Variants in POLR1E observed in about 807,000 individuals in gnomAD.
POLR1E encodes the protein RNA polymerase I subunit E.
A neutral mutation model predicts 50.9 loss-of-function variants in POLR1E; 37 were observed. The observed-to-expected ratio is 0.73, with a 90% confidence interval of 0.56 to 0.96. POLR1E has a LOEUF of 0.96. Among genes scored for constraint, POLR1E ranks in the 40% least tolerant of loss-of-function variants. The pLI is 0.00. For missense variants in POLR1E, 426 were observed against 518.1 expected (o/e 0.82, Z 1.73); for synonymous variants, 166 against 191.6 (o/e 0.87, Z 1.10).
chr9:37,493,050 A>G (rs1229748789), intron 5 of POLR1E, among the ~76,000 whole-genome samples: 2 of 152,226 alleles, frequency 1.3e-5, no homozygotes, highest in Non-Finnish European at 2.9e-5. Context: ...CATTCACGTT[A>G]AAACAAAGTA....
At chr9:37,486,949 G>A (rs1820588720) in intron 2 of POLR1E, 143 bp downstream of exon 2, 2 of 967,710 alleles carry the variant, frequency 2.1e-6, no homozygotes, top group Non-Finnish European at 3.0e-6. Context: ...CCAGCAGCCT[G>A]GGATGTGGGG....
At chr9:37,494,780 A>T (rs973722371) in intron 6 of POLR1E, among the ~76,000 whole-genome samples, 2 of 152,164 alleles carry the variant, frequency 1.3e-5, no homozygotes, top group Middle Eastern at 3.2e-3. Flanking sequence ...TTATATTCTG[A>T]AAGTTTTGTT....
At chr9:37,495,378 C>A in intron 7 of POLR1E, 102 bp downstream of exon 7, 1 of 962,380 alleles carries the variant, frequency 1.0e-6, no homozygotes, top group Non-Finnish European at 1.7e-6. Context: ...CTGTGACATT[C>A]ACAAGAGCTC....
chr9:37,487,120 G>A (rs1275351203), intron 2 of POLR1E, among the ~76,000 whole-genome samples: 1 of 152,170 alleles, frequency 6.6e-6, no homozygotes, highest in African/African-American at 2.4e-5. Context: ...CAGGACTATT[G>A]ACTTTTTGGG....
intron 10 of POLR1E, 31 bp downstream of exon 10, chr9:37,500,952 T>G: frequency 6.3e-7 from 1 of 1,575,976 alleles, no homozygotes; most frequent in South Asian, 1.1e-5. Context: ...ATTTTTCTTG[T>G]GCAGGAGAAA....
chr9:37,497,006 C>T (rs1467577610), intron 8 of POLR1E, among the ~76,000 whole-genome samples: 2 of 152,138 alleles, frequency 1.3e-5, no homozygotes, highest in African/African-American at 4.8e-5. Flanking sequence ...GAGGAGAGTA[C>T]CTGTACTATC....
chr9:37,492,801 A>C, intron 5 of POLR1E, 86 bp downstream of exon 5: 1 of 1,197,700 alleles, frequency 8.3e-7, no homozygotes, highest in Non-Finnish European at 1.2e-6. Flanking sequence ...GAGCTTGTTG[A>C]ACTCAAGGGT....
chr9:37,495,015 C>T (rs113728511), intron 6 of POLR1E, among the ~76,000 whole-genome samples, 154 bp from the exon 7 acceptor site: 7 of 152,322 alleles, frequency 4.6e-5, no homozygotes, highest in African/African-American at 1.7e-4. Flanking sequence ...AGTCCTGAAG[C>T]AGTCAGCCTG....
intron 8 of POLR1E, 32 bp from the exon 9 acceptor site, chr9:37,498,059 A>G (rs1306813184): frequency 6.2e-7 from 1 of 1,608,054 alleles, no homozygotes; most frequent in Non-Finnish European, 8.5e-7. Flanking sequence ...TCTTACCCTG[A>G]CACAGGCCTC....
At chr9:37,487,821 C>T (rs1820605763) in intron 2 of POLR1E, 42 bp from the exon 3 acceptor site, 9 of 1,572,058 alleles carry the variant, frequency 5.7e-6, no homozygotes, top group Non-Finnish European at 7.9e-6. Context: ...TAATACCTTT[C>T]AACATTGGTT....
intron 9 of POLR1E, among the ~76,000 whole-genome samples, chr9:37,498,602 T>C (rs141733262): frequency 1.9e-3 from 292 of 152,304 alleles, no homozygotes; most frequent in African/African-American, 6.4e-3. Context: ...TGTGTATATA[T>C]AGAGAGAGCT....
At chr9:37,497,910 G>A (rs1432062780) in intron 8 of POLR1E, among the ~76,000 whole-genome samples, 181 bp from the exon 9 acceptor site, 2 of 152,116 alleles carry the variant, frequency 1.3e-5, no homozygotes, top group Non-Finnish European at 2.9e-5. Context: ...CCACACACAT[G>A]TGCCACCATG....
At chr9:37,489,187 G>A (rs1026251416) in intron 3 of POLR1E, 128 bp from the exon 4 acceptor site, 34 of 602,374 alleles carry the variant, frequency 5.6e-5, no homozygotes, top group African/African-American at 3.0e-4. Flanking sequence ...GCAGTGAGCC[G>A]AGATCATGCC....
intron 4 of POLR1E, among the ~76,000 whole-genome samples, chr9:37,491,676 C>T (rs1247369489): frequency 1.3e-5 from 2 of 152,024 alleles, no homozygotes; most frequent in Non-Finnish European, 2.9e-5. Flanking sequence ...GTTGGCCAGG[C>T]TGGTCTCAAA....
At chr9:37,492,942 T>C (rs1411135401) in intron 5 of POLR1E, among the ~76,000 whole-genome samples, 2 of 152,200 alleles carry the variant, frequency 1.3e-5, no homozygotes, top group Non-Finnish European at 2.9e-5. Flanking sequence ...TCTGTGCCAA[T>C]GTTTGGAGTC....
chr9:37,487,399 A>G (rs1185716250), intron 2 of POLR1E, among the ~76,000 whole-genome samples: 1 of 152,230 alleles, frequency 6.6e-6, no homozygotes, highest in Non-Finnish European at 1.5e-5. Context: ...AGGGTTTGGC[A>G]GTCAACGTTT....
At chr9:37,502,523 G>A (rs1235670746) in intron 11 of POLR1E, among the ~76,000 whole-genome samples, 1 of 152,224 alleles carries the variant, frequency 6.6e-6, no homozygotes, top group East Asian at 1.9e-4. Flanking sequence ...GAACTGTGAG[G>A]TCAGCTGATC....
chr9:37,492,429 T>G (rs1191669185), intron 4 of POLR1E: 1 of 945,394 alleles, frequency 1.1e-6, no homozygotes, highest in African/African-American at 1.7e-5. Context: ...AATGAAGAGG[T>G]TGGGCTGGAT....
At chr9:37,487,299 G>C (rs1205288166) in intron 2 of POLR1E, among the ~76,000 whole-genome samples, 2 of 152,194 alleles carry the variant, frequency 1.3e-5, no homozygotes, top group Admixed American at 6.5e-5. Flanking sequence ...AAGAGTACAG[G>C]GCAGAGTGAG....
Sources: gnomAD v4.1 joint callset for allele counts (sites outside exome capture counted in the v4.1 genomes callset) on GRCh38, gnomAD v4.1.1 for gene constraint, MANE v1.5 for transcripts, NCBI Gene and HGNC (gene_info 2026-07-23, HGNC 2026-07-21) for gene names.